The following GPR158 variants were observed in gnomAD, a reference collection of about 807,000 sequenced individuals.
GPR158 encodes metabotropic glycine receptor.
A neutral mutation model predicts 78.2 loss-of-function variants in GPR158; 30 were observed. The ratio of observed to expected loss-of-function variants is 0.38; its 90% confidence interval spans 0.29 to 0.52. GPR158 has a LOEUF of 0.52. GPR158 is among the 20% of genes least tolerant of loss of function. GPR158 has a pLI of 0.83. For missense variants in GPR158, 1,463 were observed against 1,523.5 expected (o/e 0.96, Z 0.66); for synonymous variants, 581 against 591.1 (o/e 0.98, Z 0.25).
chr10:25,356,137 A>G (rs533764902), intron 2 of GPR158, among the ~76,000 whole-genome samples: 65 of 152,136 alleles, frequency 4.3e-4, no homozygotes, highest in South Asian at 8.3e-4. Flanking sequence ...ATCAGGGGAA[A>G]ATTTTCTTGA....
At chr10:25,393,805 A>G (rs1379705892) in intron 2 of GPR158, 5 of 152,216 alleles carry the variant, frequency 3.3e-5, no homozygotes, top group Non-Finnish European at 4.4e-5. Flanking sequence ...CTGGCAATCA[A>G]TGAGGTGGCA....
chr10:25,202,849 GAACT>G (rs1852954802), intron 1 of GPR158, among the ~76,000 whole-genome samples: 1 of 152,152 alleles, frequency 6.6e-6, no homozygotes, highest in African/African-American at 2.4e-5. Context: ...CACAATGGTT[GAACT>G]AATTTACACT....
intron 2 of GPR158, among the ~76,000 whole-genome samples, chr10:25,374,083 T>A (rs1834042184): frequency 6.6e-6 from 1 of 151,744 alleles, no homozygotes; most frequent in Admixed American, 6.6e-5. Context: ...AGAATTTTCC[T>A]TATTAAGTTT....
chr10:25,433,734 T>C (rs182049280), intron 4 of GPR158, among the ~76,000 whole-genome samples: 106 of 139,678 alleles, frequency 7.6e-4, no homozygotes, highest in African/African-American at 2.7e-3. Flanking sequence ...GTTCTTGCCA[T>C]GTTGCCCAGT....
chr10:25,307,665 A>G (rs1588789392), intron 2 of GPR158, among the ~76,000 whole-genome samples: 1 of 152,118 alleles, frequency 6.6e-6, no homozygotes, highest in South Asian at 2.1e-4. Context: ...ATGAGCCACC[A>G]TACCTGTCCC....
intron 5 of GPR158, among the ~76,000 whole-genome samples, chr10:25,532,801 G>A (rs1008623797): frequency 1.3e-5 from 2 of 150,730 alleles, no homozygotes; most frequent in South Asian, 2.1e-4. Flanking sequence ...TGCCCCTTGC[G>A]TTCTCATTCC....
intron 5 of GPR158, among the ~76,000 whole-genome samples, chr10:25,522,374 C>G (rs1041179694): frequency 1.3e-5 from 2 of 152,146 alleles, no homozygotes; most frequent in Non-Finnish European, 2.9e-5. Flanking sequence ...GTCCTGTTTT[C>G]AAGGAAATTG....
In GPR158 at chr10:25,452,006, T is replaced by TTTTTG. The variant is rs1324372677; in HGVS notation, c.1336-14634_1336-14630dup. On this transcript the variant is annotated intron_variant, in intron 4 of 10. Transcript: ENST00000376351. ...TTTCCCCACATTCTCCAAAATTGGC[T>TTTTTG]TTTTGTTTTGTTTTGGTTTGGTTTG... 1.6e-4 allele frequency among the ~76,000 whole-genome samples: 22 copies of TTTTTG among 139,230 alleles called. No homozygotes were observed. The East Asian group carries it at 2.5e-3, about 16-fold the overall frequency. 91.3% of individuals were successfully genotyped at this position (139,230 alleles called of 152,430 possible).
intron 2 of GPR158, among the ~76,000 whole-genome samples, chr10:25,310,737 G>A (rs1330111798): frequency 1.3e-5 from 2 of 151,894 alleles, no homozygotes; most frequent in Non-Finnish European, 2.9e-5. Flanking sequence ...TTTAGTTTTT[G>A]AAGTGAAATT....
intron 2 of GPR158, among the ~76,000 whole-genome samples, chr10:25,310,779 T>A (rs1248009989): frequency 6.7e-6 from 1 of 149,456 alleles, no homozygotes; most frequent in African/African-American, 2.6e-5. Context: ...TGAGTCATAG[T>A]TAGAGATCTT....
chr10:25,394,933 T>A (rs1834347667), intron 2 of GPR158, among the ~76,000 whole-genome samples: 1 of 152,174 alleles, frequency 6.6e-6, no homozygotes, highest in East Asian at 1.9e-4. Flanking sequence ...AATTCTTAAA[T>A]TCACTAGATT....
chr10:25,412,494 T>C (rs1285533083), intron 4 of GPR158, 21 bp downstream of exon 4: 1 of 1,511,036 alleles, frequency 6.6e-7, no homozygotes, highest in East Asian at 2.2e-5. Flanking sequence ...GAACCCTGGT[T>C]ATGATCCTGT....
chr10:25,208,469 TTA>T (rs1420259871), intron 1 of GPR158, among the ~76,000 whole-genome samples: 1 of 152,196 alleles, frequency 6.6e-6, no homozygotes, highest in Non-Finnish European at 1.5e-5. Context: ...CCTGTACATC[TTA>T]TATTGGTATA....
chr10:25,251,267 A>G (rs1031792681), intron 2 of GPR158, among the ~76,000 whole-genome samples: 18 of 152,118 alleles, frequency 1.2e-4, no homozygotes, highest in South Asian at 2.1e-4. Flanking sequence ...CTCTTTATCC[A>G]ATTTGCCAGT....
intron 7 of GPR158, among the ~76,000 whole-genome samples, chr10:25,574,243 G>A (rs1837057277): frequency 6.7e-6 from 1 of 149,882 alleles, no homozygotes; most frequent in African/African-American, 2.5e-5. Context: ...TTATGCATTG[G>A]AATTGAGATG....
At position 25,404,982 on chromosome 10, in the gene GPR158, T is replaced by C. The variant is rs1588847396; in HGVS notation, c.1112-7268T>C. On this transcript the variant is annotated intron_variant, in intron 3 of 10. Coordinates refer to ENST00000376351, the MANE Select transcript of GPR158 (RefSeq NM_020752.3). ...TTCAGCATACTGTCTGCAATTCATATGTTCCAAAATTCTACCCCCGATTCT... is the reference window on the plus strand; with the variant it reads ...TTCAGCATACTGTCTGCAATTCATACGTTCCAAAATTCTACCCCCGATTCT... Among the ~76,000 whole-genome samples, 7 of 152,232 alleles carry C rather than the reference T, an allele frequency of 4.6e-5. 1 individual carries two copies. In the South Asian group the frequency reaches 1.5e-3, roughly 32 times the overall value.
Position 25,599,296 on chromosome 10 carries a change from A to G in GPR158, c.*22A>G. 6.5e-7 allele frequency: 1 copy of G among 1,547,514 alleles called. No homozygotes were observed. The highest frequency in any genetic ancestry group is 1.7e-4 in the Middle Eastern group (1 of 5,866). ...GTAGCATCTCCAGGAAGAAGAGGAA[A>G]AGGAGGGAACCCCGGATTGGATATG... On this transcript the variant is annotated 3_prime_UTR_variant, in exon 11 of 11. Transcript: ENST00000376351.
At chr10:25,541,599 CAA>C (rs35714132) in intron 5 of GPR158, among the ~76,000 whole-genome samples, 1 of 135,724 alleles carries the variant, frequency 7.4e-6, no homozygotes, top group East Asian at 2.2e-4. Context: ...AATTCAGTTT[CAA>C]AAAAAAAAAA....
intron 2 of GPR158, among the ~76,000 whole-genome samples, chr10:25,252,913 C>G (rs1468603423): frequency 6.6e-6 from 1 of 152,224 alleles, no homozygotes; most frequent in East Asian, 1.9e-4. Flanking sequence ...CTCCCCCAGC[C>G]TCGCTGCCGC....
Sources: allele counts gnomAD v4.1 joint callset (sites outside exome capture counted in the v4.1 genomes callset), GRCh38; gene constraint gnomAD v4.1.1; transcripts MANE v1.5; gene names NCBI Gene and HGNC (gene_info 2026-07-23, HGNC 2026-07-21).